The following EYA2 variants were observed in gnomAD, a reference collection of about 807,000 sequenced individuals.
EYA2 encodes the protein EYA transcriptional coactivator and phosphatase 2.
EYA2 carries 31 observed loss-of-function variants against 69.2 expected under a neutral mutation model. The ratio of observed to expected loss-of-function variants is 0.45; its 90% CI spans 0.34 to 0.60. The LOEUF is 0.60. EYA2 is among the 20% of genes least tolerant of loss of function. The pLI, the probability that EYA2 is intolerant of heterozygous loss-of-function variation, is 0.02. For synonymous variants in EYA2, 257 were observed against 279.4 expected, an observed-to-expected ratio of 0.92 and a Z score of 0.80; for missense variants, 622 against 701.2, an observed-to-expected ratio of 0.89 and a Z score of 1.28.
intron 10 of EYA2, among the ~76,000 whole-genome samples, chr20:47,147,984 A>G (rs1274389311): frequency 6.7e-6 from 1 of 148,880 alleles, no homozygotes; most frequent in Admixed American, 6.9e-5. Flanking sequence ...ACTGGAACCC[A>G]GGAGGCGGAA....
rs1978730261 is a variant in EYA2 at position 46,950,513 on chromosome 20, CCTT to C, written c.-10-39485_-10-39483del. Among the ~76,000 whole-genome samples, 2 of 152,158 alleles carry C rather than the reference CCTT, an allele frequency of 1.3e-5. 1 individual carries two copies. Among genetic ancestry groups the C allele is most frequent in the Admixed American group, 1.3e-4 (2 of 15,282 alleles). On this transcript the variant is annotated intron_variant, in intron 1 of 15. Transcript: ENST00000327619. The stretch of plus-strand genomic sequence containing the variant: ...TCTGCAGCATCTGTTCCCTGCTCCT[CCTT>C]CTGGGTGCTCCTCCACCAAGGGGCA...
chr20:47,025,438 C>T (rs1051811740), intron 5 of EYA2, among the ~76,000 whole-genome samples: 8 of 152,220 alleles, frequency 5.3e-5, no homozygotes, highest in African/African-American at 9.6e-5. Flanking sequence ...TTCTGCACTT[C>T]GTTTTCCTCA....
intron 5 of EYA2, among the ~76,000 whole-genome samples, chr20:47,060,840 G>GCT (rs1044105821): frequency 2.1e-5 from 3 of 143,340 alleles, no homozygotes; most frequent in African/African-American, 2.7e-5. Context: ...TTCATCAATC[G>GCT]CTCTCTCTCT....
In EYA2 at chr20:47,137,313, C is replaced by T. The variant is rs377758296; in HGVS notation, c.889-5746C>T. ...GGTCTTCCTGCTGGGTTCGCAGAAA[C>T]GATTCTTTGCTTAAAGGCTCAAGGA... On this transcript the variant is annotated intron_variant, in intron 9 of 15. Transcript: ENST00000327619. Among the ~76,000 whole-genome samples the T allele has an allele frequency of 1.8e-4, 28 of 152,214 alleles. No homozygotes were observed. The East Asian group carries it at 2.7e-3, about 15-fold the overall frequency.
At chr20:47,141,476 A>C (rs2033593606) in intron 9 of EYA2, among the ~76,000 whole-genome samples, 3 of 152,340 alleles carry the variant, frequency 2.0e-5, no homozygotes, top group Non-Finnish European at 4.4e-5. Flanking sequence ...CACAATATGT[A>C]TCCAGGGGTG....
chr20:47,071,850 G>A lies in EYA2; in HGVS notation c.416-335G>A, dbSNP rs192413094. ...GTAAGAAACCTAACCTGGCTCTTGG[G>A]TCTGGGCCGCCAACATGCCATCCGG... On this transcript the variant is annotated intron_variant, in intron 5 of 15. Coordinates refer to ENST00000327619, the MANE Select transcript of EYA2 (RefSeq NM_005244.5). 914 of 251,158 alleles carry A rather than the reference G, an allele frequency of 3.6e-3. 6 individuals carry two copies. Among genetic ancestry groups the A allele is most frequent in the South Asian group, 0.022 (304 of 13,838 alleles). The allele number at this position is 251,158 out of a possible 1,614,324, so 15.6% of individuals were successfully genotyped here.
chr20:47,097,776 T>C (rs2032295443), intron 9 of EYA2, among the ~76,000 whole-genome samples: 2 of 152,218 alleles, frequency 1.3e-5, no homozygotes, highest in African/African-American at 4.8e-5. Flanking sequence ...CTGCTAAAAC[T>C]CAAACCTTGT....
intron 1 of EYA2, among the ~76,000 whole-genome samples, chr20:46,943,502 G>A (rs543166281): frequency 7.9e-5 from 12 of 152,148 alleles, no homozygotes; most frequent in Non-Finnish European, 1.8e-4. Context: ...GCCTCTCTGG[G>A]GCCCTGGGAA....
intron 1 of EYA2, among the ~76,000 whole-genome samples, chr20:46,954,315 G>A (rs11696676): frequency 0.18 from 27,060 of 152,082 alleles, 2,852 homozygotes; most frequent in Non-Finnish European, 0.24. Context: ...AACAACGATC[G>A]GCACATAGTA....
rs202116477 is a variant in EYA2, at chr20:47,130,261, C to T, written c.889-12798C>T. Among the ~76,000 whole-genome samples the T allele has an allele frequency of 9.2e-3, 746 of 81,014 alleles. 3 individuals carry two copies. Among genetic ancestry groups the T allele is most frequent in the African/African-American group, 0.015 (265 of 17,334 alleles). The allele number at this position is 81,014 out of a possible 152,430, so 53.1% of individuals were successfully genotyped here. On this transcript the variant is annotated intron_variant, in intron 9 of 15. Coordinates refer to ENST00000327619, the MANE Select transcript of EYA2 (RefSeq NM_005244.5). ...AAAGAAATAAAAGAAGGTTTATTTT[C>T]TTTTTTTTTTTTTTTTTTTTTGAGA...
rs529130550 is a variant in EYA2 at position 47,117,681 on chromosome 20, G to A, written c.888+20513G>A. Reference sequence around the variant, plus strand: ...GAAAAAGAAAACCCGGTTTTATGACGCAGCAGTTAAAAACTATTTGTAGAA... The same window carrying A: ...GAAAAAGAAAACCCGGTTTTATGACACAGCAGTTAAAAACTATTTGTAGAA... On this transcript the variant is annotated intron_variant, in intron 9 of 15. Coordinates refer to ENST00000327619, the MANE Select transcript of EYA2 (RefSeq NM_005244.5). The A allele has an allele frequency of 1.6e-5, 16 of 985,386 alleles. No individual in the cohort carries two copies. In the South Asian group the frequency reaches 1.9e-4, roughly 12 times the overall value. The allele number at this position is 985,386 out of a possible 1,614,324, so 61.0% of individuals were successfully genotyped here. A position where few individuals can be genotyped will look rare whatever the true frequency, so the allele number is the denominator to read the frequency against.
chr20:47,126,068 G>C (rs1353435368), intron 9 of EYA2, among the ~76,000 whole-genome samples: 1 of 152,194 alleles, frequency 6.6e-6, no homozygotes, highest in Non-Finnish European at 1.5e-5. Flanking sequence ...CAGACGGGCA[G>C]GTCTGCACTT....
At chr20:47,141,009 G>A (rs751200708) in intron 9 of EYA2, among the ~76,000 whole-genome samples, 4 of 152,116 alleles carry the variant, frequency 2.6e-5, no homozygotes, top group Non-Finnish European at 5.9e-5. Context: ...CTCATGGGAA[G>A]GCATTAATCT....
At chr20:46,923,481 A>G (rs531686119) in intron 1 of EYA2, among the ~76,000 whole-genome samples, 3 of 152,330 alleles carry the variant, frequency 2.0e-5, no homozygotes, top group East Asian at 1.9e-4. Context: ...GATACAGGAA[A>G]TTATTGGTGA....
intron 5 of EYA2, among the ~76,000 whole-genome samples, chr20:47,018,646 G>A (rs1983558325): frequency 6.6e-6 from 1 of 152,200 alleles, no homozygotes; most frequent in African/African-American, 2.4e-5. Context: ...CCCCGCGGCA[G>A]GAAAAGGCTC....
chr20:47,089,441 A>G (rs2032004847), intron 8 of EYA2, 60 bp downstream of exon 8: 2 of 1,546,088 alleles, frequency 1.3e-6, no homozygotes, highest in Non-Finnish European at 8.8e-7. Context: ...GGCCCAAACA[A>G]GAGTGGGGAC....
intron 1 of EYA2, among the ~76,000 whole-genome samples, chr20:46,962,258 C>T (rs1043127384): frequency 2.0e-5 from 3 of 152,098 alleles, no homozygotes; most frequent in Non-Finnish European, 4.4e-5. Flanking sequence ...AACTCTTGGT[C>T]TCAAGCGATC....
chr20:47,079,492 C>T (rs2031640672), intron 7 of EYA2, among the ~76,000 whole-genome samples: 1 of 152,180 alleles, frequency 6.6e-6, no homozygotes, highest in Non-Finnish European at 1.5e-5. Flanking sequence ...AACTCCTGCC[C>T]CCGACCCCTT....
rs1600727610 is a variant in EYA2, at chr20:47,127,107, A to G, written c.889-15952A>G. On this transcript the variant is annotated intron_variant, in intron 9 of 15. Transcript: ENST00000327619. Reference sequence around the variant, plus strand: ...CCCTCAAAATTAGGCTGAATCTCTTATAAAAAAAAAAAGTTAATTAATTAA... The same window carrying G: ...CCCTCAAAATTAGGCTGAATCTCTTGTAAAAAAAAAAAGTTAATTAATTAA... Among the ~76,000 whole-genome samples, 3 of 105,714 alleles carry G rather than the reference A, an allele frequency of 2.8e-5. 1 individual carries two copies. Among genetic ancestry groups the G allele is most frequent in the Admixed American group, 2.6e-4 (3 of 11,334 alleles). The allele number at this position is 105,714 out of a possible 152,430, so 69.4% of individuals were successfully genotyped here.
Sources: gnomAD v4.1 joint callset for allele counts (sites outside exome capture counted in the v4.1 genomes callset) on GRCh38, gnomAD v4.1.1 for gene constraint, MANE v1.5 for transcripts, NCBI Gene and HGNC (gene_info 2026-07-23, HGNC 2026-07-21) for gene names.